The following PTK2 variants were observed in gnomAD, a reference collection of about 807,000 sequenced individuals.
PTK2 encodes the protein protein tyrosine kinase 2.
Under a neutral mutation model 150.1 loss-of-function variants are expected in PTK2, and 45 were observed. That is an observed-to-expected ratio of 0.30 (90% CI 0.24 to 0.38). The LOEUF (loss-of-function observed/expected upper bound fraction) is 0.38. Ranked by LOEUF, PTK2 falls within the 10% of genes least tolerant of loss-of-function variation. The probability of loss-of-function intolerance (pLI) is 1.00; values close to 1 mark genes in which losing one functional copy is unlikely to be tolerated. For synonymous variants in PTK2, 432 were observed against 449.2 expected (o/e 0.96, Z 0.48); for missense variants, 919 against 1,307.3 (o/e 0.70, Z 4.58).
intron 26 of PTK2, among the ~76,000 whole-genome samples, chr8:140,695,493 G>A (rs975226728): frequency 4.0e-5 from 6 of 150,826 alleles, no homozygotes; most frequent in South Asian, 2.1e-4. Flanking sequence ...TCACTGCAAC[G>A]TCTGCCTCTT....
At chr8:140,702,778 G>T in intron 24 of PTK2, 71 bp from the exon 28 acceptor site, 3 of 1,493,614 alleles carry the variant, frequency 2.0e-6, no homozygotes, top group Non-Finnish European at 2.7e-6. Context: ...ACACACAAAG[G>T]AAACTAAAAT....
chr8:140,679,020 T>G (rs1209707370), intron 27 of PTK2, among the ~76,000 whole-genome samples: 7 of 104,312 alleles, frequency 6.7e-5, no homozygotes, highest in Admixed American at 1.9e-4. Context: ...TTTTTTTTTT[T>G]TTTTTTTTTT....
intron 29 of PTK2, among the ~76,000 whole-genome samples, chr8:140,672,840 C>T (rs1043708731): frequency 6.6e-6 from 1 of 152,330 alleles, no homozygotes; most frequent in Admixed American, 6.5e-5. Flanking sequence ...GCCAAGCCTG[C>T]GGCCAAGCAC....
intron 7 of PTK2, among the ~76,000 whole-genome samples, chr8:140,844,336 C>T (rs887605998): frequency 4.6e-5 from 7 of 152,124 alleles, no homozygotes; most frequent in South Asian, 2.1e-4. Context: ...GTAGCTCATA[C>T]GTTAGAGGTG....
At chr8:140,775,382 G>A (rs905350307) in intron 14 of PTK2, among the ~76,000 whole-genome samples, 1 of 152,148 alleles carries the variant, frequency 6.6e-6, no homozygotes, top group Non-Finnish European at 1.5e-5. Context: ...CTACTTGGGA[G>A]GGTGAGGTGT....
At chr8:140,807,879 T>C (rs1465589240) in intron 10 of PTK2, among the ~76,000 whole-genome samples, 1 of 152,220 alleles carries the variant, frequency 6.6e-6, no homozygotes, top group Non-Finnish European at 1.5e-5. Flanking sequence ...GTAAAGTAGA[T>C]GAGGACTCAG....
At chr8:140,668,813 T>C in intron 29 of PTK2, 1 of 173,194 alleles carries the variant, frequency 5.8e-6, no homozygotes, top group Non-Finnish European at 1.2e-5. Context: ...AGTCAAACAT[T>C]CTACATGAAG....
intron 30 of PTK2, among the ~76,000 whole-genome samples, chr8:140,665,274 T>C (rs1487405177): frequency 6.8e-6 from 1 of 147,482 alleles, no homozygotes; most frequent in Admixed American, 6.8e-5. Context: ...GAAAGCAGGA[T>C]TTTTTTTTTT....
At chr8:140,874,837 A>C (rs2100144609) in intron 4 of PTK2, among the ~76,000 whole-genome samples, 1 of 152,190 alleles carries the variant, frequency 6.6e-6, no homozygotes, top group African/African-American at 2.4e-5. Context: ...CCATCAAATT[A>C]CTTTGCTTCT....
chr8:140,674,419 T>C lies in PTK2; in HGVS notation c.2603-15A>G. 1.3e-6 allele frequency: 2 copies of C among 1,568,888 alleles called. No homozygotes were observed. Among genetic ancestry groups the C allele is most frequent in the Non-Finnish European group, 8.7e-7 (1 of 1,154,538 alleles). On this transcript the variant is annotated splice_polypyrimidine_tract_variant and intron_variant, in intron 28 of 31. Coordinates refer to ENST00000522684, the Ensembl canonical transcript of PTK2. ...AGCTGCAGGATCTGGTGAGAGAGAA[T>C]GATTCCCATTAAGTCATGTGCGTTA...
intron 22 of PTK2, among the ~76,000 whole-genome samples, chr8:140,733,878 C>T (rs936708051): frequency 6.6e-5 from 10 of 152,258 alleles, no homozygotes; most frequent in East Asian, 5.8e-4. Flanking sequence ...CAATGTGGGG[C>T]TCACTGTATT....
intron 1 of PTK2, chr8:140,954,877 A>G (rs2100180721): frequency 6.6e-6 from 1 of 152,062 alleles, no homozygotes; most frequent in South Asian, 2.1e-4. Context: ...CCATTATTTC[A>G]CTAGTTTTTT....
At chr8:140,822,013 T>C (rs2100108894) in intron 8 of PTK2, 1 of 152,238 alleles carries the variant, frequency 6.6e-6, no homozygotes, top group Admixed American at 6.5e-5. Context: ...GGACAGACTC[T>C]ACAACAGAGC....
intron 16 of PTK2, 81 bp from the exon 20 acceptor site, chr8:140,752,397 T>C (rs2100063308): frequency 3.1e-6 from 4 of 1,303,532 alleles, no homozygotes; most frequent in Admixed American, 3.7e-5. Context: ...CCTGTCTGTT[T>C]TGCAACTATG....
At chr8:140,916,683 G>C (rs2100165388) in intron 2 of PTK2, among the ~76,000 whole-genome samples, 1 of 152,152 alleles carries the variant, frequency 6.6e-6, no homozygotes, top group African/African-American at 2.4e-5. Flanking sequence ...GAGAGTAGAA[G>C]ACATGGTACA....
intron 4 of PTK2, among the ~76,000 whole-genome samples, chr8:140,877,724 A>G (rs940475398): frequency 2.6e-5 from 4 of 152,124 alleles, no homozygotes; most frequent in Admixed American, 2.6e-4. Flanking sequence ...AGTAGGGTCA[A>G]TCTGTGAGAA....
chr8:140,804,752 C>G (rs2100097354), intron 10 of PTK2, among the ~76,000 whole-genome samples: 1 of 152,198 alleles, frequency 6.6e-6, no homozygotes, highest in African/African-American at 2.4e-5. Flanking sequence ...TCACACTGGG[C>G]TGCCCTTCCC....
At chr8:140,748,491 T>A (rs572327150) in intron 17 of PTK2, among the ~76,000 whole-genome samples, 1 of 94,842 alleles carries the variant, frequency 1.1e-5, no homozygotes, top group African/African-American at 6.0e-5. Flanking sequence ...ACTGAGACTC[T>A]GTCTCAAAAA....
At chr8:140,698,850 A>G (rs927701722) in intron 26 of PTK2, among the ~76,000 whole-genome samples, 12 of 152,106 alleles carry the variant, frequency 7.9e-5, no homozygotes, top group Non-Finnish European at 1.5e-4. Context: ...TCTGACCTCA[A>G]GTGATCAGCC....
Sources: allele counts gnomAD v4.1 joint callset (sites outside exome capture counted in the v4.1 genomes callset), GRCh38; gene constraint gnomAD v4.1.1; transcripts MANE v1.5; gene names NCBI Gene and HGNC (gene_info 2026-07-23, HGNC 2026-07-21).